GRIN2A: variants seen among roughly 807,000 people sequenced by gnomAD.
The protein encoded by GRIN2A is glutamate ionotropic receptor NMDA type subunit 2A, also known as glutamate receptor ionotropic, NMDA 2A.
In GRIN2A, 22 loss-of-function variants were observed where a neutral mutation model predicts 113.4. The ratio of observed to expected loss-of-function variants is 0.19; its 90% CI spans 0.14 to 0.28. The LOEUF is 0.28. Ranked by LOEUF, GRIN2A falls within the 10% of genes least tolerant of loss-of-function variation. The probability of loss-of-function intolerance (pLI) is 1.00; values close to 1 mark genes in which losing one functional copy is unlikely to be tolerated. For synonymous variants in GRIN2A, 827 were observed against 738.4 expected, an observed-to-expected ratio of 1.12 and a Z score of -1.94; for missense variants, 1,502 against 1,887.0, an observed-to-expected ratio of 0.80 and a Z score of 3.78.
chr16:10,111,273 G>A (rs780845289), intron 2 of GRIN2A: 5 of 339,890 alleles, frequency 1.5e-5, no homozygotes, highest in Admixed American at 1.2e-4. Flanking sequence ...CACCACTATG[G>A]GCATTAAAAA....
At chr16:10,096,457 A>G (rs530670684) in intron 2 of GRIN2A, among the ~76,000 whole-genome samples, 16 of 152,114 alleles carry the variant, frequency 1.1e-4, no homozygotes, top group Middle Eastern at 6.8e-3. Flanking sequence ...GATGTTCACT[A>G]AAGTGTGAGA....
At chr16:9,981,401 GA>G (rs2045889688) in intron 2 of GRIN2A, among the ~76,000 whole-genome samples, 1 of 152,138 alleles carries the variant, frequency 6.6e-6, no homozygotes, top group South Asian at 2.1e-4. Flanking sequence ...GTCATCATGG[GA>G]AATGTCAAAC....
At chr16:9,873,964 G>C (rs908985807) in intron 4 of GRIN2A, among the ~76,000 whole-genome samples, 2 of 152,220 alleles carry the variant, frequency 1.3e-5, no homozygotes, top group African/African-American at 4.8e-5. Flanking sequence ...TAAAGTTAAA[G>C]ACAACGTAAG....
chr16:9,810,394 G>A (rs1290415154), intron 10 of GRIN2A, among the ~76,000 whole-genome samples: 1 of 152,200 alleles, frequency 6.6e-6, no homozygotes. Context: ...CAGCCTAGGT[G>A]AGTATACCTC....
rs558143929 is a variant in GRIN2A, at chr16:9,854,679, A to G, written c.1123-4718T>C. 1.4e-4 allele frequency among the ~76,000 whole-genome samples: 22 copies of G among 152,218 alleles called. No homozygotes were observed. In the South Asian group the frequency reaches 4.2e-3, roughly 29 times the overall value. On this transcript the variant is annotated intron_variant, in intron 4 of 12. Transcript: ENST00000330684. ...TTTCCTGTTCCCAATCCTCTCCATA[A>G]AAGTGAACACCACACTCAGCTGAGT... is the stretch of plus-strand genomic sequence containing the variant.
chr16:10,073,063 C>A (rs757634087), intron 2 of GRIN2A, among the ~76,000 whole-genome samples: 4 of 148,586 alleles, frequency 2.7e-5, no homozygotes, highest in Non-Finnish European at 5.9e-5. Context: ...TCAAGAGATT[C>A]CCCTCCCTCA....
chr16:10,056,242 C>A (rs1392355835), intron 2 of GRIN2A, among the ~76,000 whole-genome samples: 1 of 152,198 alleles, frequency 6.6e-6, no homozygotes, highest in African/African-American at 2.4e-5. Context: ...TATATCCAAG[C>A]AACCAACCAT....
intron 10 of GRIN2A, among the ~76,000 whole-genome samples, chr16:9,800,830 G>A (rs1455229072): frequency 3.3e-5 from 5 of 152,142 alleles, no homozygotes; most frequent in Admixed American, 2.0e-4. Flanking sequence ...CTAGAGCTTG[G>A]CTTGATGACA....
chr16:10,002,034 C>T (rs1028356476), intron 2 of GRIN2A, among the ~76,000 whole-genome samples: 1 of 152,146 alleles, frequency 6.6e-6, no homozygotes, highest in Non-Finnish European at 1.5e-5. Context: ...CTAATATCAT[C>T]ATTATTATCA....
At chr16:9,956,902 T>C (rs1423573793) in intron 2 of GRIN2A, among the ~76,000 whole-genome samples, 3 of 152,150 alleles carry the variant, frequency 2.0e-5, no homozygotes, top group African/African-American at 7.2e-5. Flanking sequence ...TGAGGGTCTT[T>C]AAGATAGCCA....
chr16:10,179,300 C>G (rs374008347), intron 2 of GRIN2A, among the ~76,000 whole-genome samples: 1 of 152,170 alleles, frequency 6.6e-6, no homozygotes, highest in African/African-American at 2.4e-5. Flanking sequence ...ACAAAGAACA[C>G]GTAAGGAAAA....
rs142670870 is a variant in GRIN2A at position 9,764,009 on chromosome 16, A to C, written c.3535T>G (p.Ser1179Ala). The change falls in exon 13 of 13, where the codon TCC becomes GCC. Residue 1179 changes from serine (S) to alanine (A), a missense_variant. Transcript: ENST00000330684. ...RNPLHNEEGL[S>A]NNDQYKLYSK... ...TAGAGTTTATACTGGTCGTTGTTGG[A>C]AAGCCCCTCTTCATTATGCAAGGGG... 1.5e-5 allele frequency: 24 copies of C among 1,614,142 alleles called. No individual in the cohort carries two copies. The African/African-American group carries it at 2.8e-4, about 19-fold the overall frequency.
intron 4 of GRIN2A, among the ~76,000 whole-genome samples, chr16:9,875,299 T>C (rs2043342428): frequency 6.6e-6 from 1 of 152,106 alleles, no homozygotes; most frequent in Admixed American, 6.5e-5. Flanking sequence ...AGAAAGCACA[T>C]TAAATCCTCC....
intron 2 of GRIN2A, among the ~76,000 whole-genome samples, chr16:9,955,489 A>G (rs1381083344): frequency 6.6e-6 from 1 of 152,184 alleles, no homozygotes; most frequent in Non-Finnish European, 1.5e-5. Context: ...TGCAAAAGTA[A>G]ATTACTGTTA....
At chr16:10,076,915 G>T (rs924646069) in intron 2 of GRIN2A, among the ~76,000 whole-genome samples, 5 of 152,158 alleles carry the variant, frequency 3.3e-5, no homozygotes, top group African/African-American at 9.7e-5. Flanking sequence ...ACAGCAAAGG[G>T]GACTTGGCAA....
At chr16:9,997,507 A>G (rs1596401910) in intron 2 of GRIN2A, among the ~76,000 whole-genome samples, 2 of 152,256 alleles carry the variant, frequency 1.3e-5, no homozygotes, top group East Asian at 3.9e-4. Context: ...CCTTTGATAA[A>G]TCCAAACATT....
chr16:10,140,009 G>T (rs1461911886), intron 2 of GRIN2A, among the ~76,000 whole-genome samples: 1 of 152,082 alleles, frequency 6.6e-6, no homozygotes. Context: ...GGAATCTATA[G>T]CCCTGCTGAA....
chr16:10,107,490 A>G (rs1200096512), intron 2 of GRIN2A, among the ~76,000 whole-genome samples: 1 of 152,180 alleles, frequency 6.6e-6, no homozygotes, highest in Non-Finnish European at 1.5e-5. Context: ...GCTACTCTCT[A>G]TCATGGAGTC....
At chr16:9,921,124 T>C (rs1567176691) in intron 3 of GRIN2A, among the ~76,000 whole-genome samples, 1 of 152,192 alleles carries the variant, frequency 6.6e-6, no homozygotes. Flanking sequence ...CTTCTCCCCT[T>C]TATTCTTCTG....
Sources: allele counts gnomAD v4.1 joint callset (sites outside exome capture counted in the v4.1 genomes callset), GRCh38; gene constraint gnomAD v4.1.1; transcripts MANE v1.5; gene names NCBI Gene and HGNC (gene_info 2026-07-23, HGNC 2026-07-21).